TTYH3: variants seen among roughly 807,000 people sequenced by gnomAD.
TTYH3 encodes tweety family member 3.
A neutral mutation model predicts 68.2 loss-of-function variants in TTYH3; 23 were observed. The ratio of observed to expected loss-of-function variants is 0.34; its 90% CI spans 0.24 to 0.48. TTYH3 has a LOEUF of 0.48. Ranked by LOEUF, TTYH3 falls within the 20% of genes least tolerant of loss-of-function variation. The pLI is 0.99. For synonymous variants in TTYH3, 360 were observed against 332.8 expected (o/e 1.08, Z -0.89); for missense variants, 768 against 727.7 (o/e 1.06, Z -0.64).
At chr7:2,632,398 C>A in intron 1 of TTYH3, 120 bp downstream of exon 1, 1 of 1,048,866 alleles carries the variant, frequency 9.5e-7, no homozygotes, top group Non-Finnish European at 1.3e-6. Flanking sequence ...CCTCCAGGGT[C>A]ACGGCCACCT....
Position 2,661,648 on chromosome 7 carries a change from T to G in TTYH3, c.1501-20T>G. The G allele has an allele frequency of 6.2e-7, 1 of 1,609,554 alleles. No individual in the cohort carries two copies. Among genetic ancestry groups the G allele is most frequent in the Non-Finnish European group, 8.5e-7 (1 of 1,178,202 alleles). On this transcript the variant is annotated intron_variant, in intron 13 of 13. Transcript: ENST00000258796. ...GCCATGCAGGGGCCCTGCTGATGCC[T>G]CCCCCTTGTCTCCCTCCAGTACACC...
chr7:2,633,794 TGCTGCCCCTTGG>T (rs1785587670), intron 1 of TTYH3, among the ~76,000 whole-genome samples: 1 of 152,250 alleles, frequency 6.6e-6, no homozygotes, highest in Non-Finnish European at 1.5e-5. Flanking sequence ...GGCTGTTTCC[TGCTGCCCCTTGG>T]GCTGCCACCT....
Position 2,662,052 on chromosome 7 carries a change from C to T in TTYH3, c.*313C>T. 1 of 541,840 alleles carries T rather than the reference C, an allele frequency of 1.8e-6. No homozygotes were observed. The highest frequency in any genetic ancestry group is 2.1e-5 in the South Asian group (1 of 48,582). The allele number at this position is 541,840 out of a possible 1,614,324, so 33.6% of individuals were successfully genotyped here. ...GCCGCACCTACAAGCCCTGGCCGCA[C>T]CCAACCTGTGTTGTTGCCGCCCGGC... is the stretch of plus-strand genomic sequence containing the variant. On this transcript the variant is annotated 3_prime_UTR_variant, in exon 14 of 14. Coordinates refer to ENST00000258796, the MANE Select transcript of TTYH3 (RefSeq NM_025250.3).
intron 1 of TTYH3, among the ~76,000 whole-genome samples, chr7:2,641,726 C>T (rs1785851810): frequency 6.6e-6 from 1 of 152,250 alleles, no homozygotes; most frequent in Non-Finnish European, 1.5e-5. Context: ...TGCCGCTGGC[C>T]CGGTGCCCCG....
intron 5 of TTYH3, 74 bp downstream of exon 5, chr7:2,648,128 C>T (rs1786053117): frequency 1.4e-6 from 2 of 1,391,678 alleles, no homozygotes; most frequent in Non-Finnish European, 2.0e-6. Flanking sequence ...TACCCCTTCC[C>T]CCACCTCATC....
At chr7:2,639,577 C>A (rs1454631335) in intron 1 of TTYH3, among the ~76,000 whole-genome samples, 1 of 152,220 alleles carries the variant, frequency 6.6e-6, no homozygotes, top group Non-Finnish European at 1.5e-5. Flanking sequence ...GCTAAGATGC[C>A]CTGGAAGCTG....
intron 5 of TTYH3, among the ~76,000 whole-genome samples, chr7:2,648,776 C>A (rs1015770418): frequency 6.6e-6 from 1 of 151,744 alleles, no homozygotes; most frequent in African/African-American, 2.4e-5. Context: ...TGCAGCTTCA[C>A]GCTGTGCCCA....
intron 13 of TTYH3, 91 bp downstream of exon 13, chr7:2,659,106 A>T: frequency 7.8e-7 from 1 of 1,278,764 alleles, no homozygotes; most frequent in East Asian, 2.4e-5. Flanking sequence ...TGGCATGTGC[A>T]GCCAGTGTGA....
chr7:2,646,941 G>A lies in TTYH3; in HGVS notation c.212G>A (p.Arg71Gln), dbSNP rs370463433. Residue 71 changes from arginine (R) to glutamine (Q), a missense_variant, in exon 2 of 14, where the codon CGG (arginine) becomes CAG (glutamine). By Grantham distance (43) the Arg-to-Gln change is conservative. Transcript: ENST00000258796. ...LLFYSFWLCC[R>Q]RRKSEEHLDA... The stretch of plus-strand genomic sequence containing the variant: ...TTCTACTCCTTCTGGCTGTGCTGCC[G>A]GCGGCGCAAGAGCGAGGAGCACCTG... 2.5e-6 allele frequency: 4 copies of A among 1,600,746 alleles called. No individual in the cohort carries two copies. Among genetic ancestry groups the A allele is most frequent in the Admixed American group, 3.4e-5 (2 of 59,680 alleles).
intron 9 of TTYH3, 71 bp downstream of exon 9, chr7:2,653,081 T>G (rs757178626): frequency 2.7e-5 from 39 of 1,430,630 alleles, no homozygotes; most frequent in Non-Finnish European, 3.5e-5. Flanking sequence ...GAATTTGTGG[T>G]GCAAACACAG....
At chr7:2,658,003 C>T (rs553071896) in intron 11 of TTYH3, among the ~76,000 whole-genome samples, 10 of 152,358 alleles carry the variant, frequency 6.6e-5, no homozygotes, top group African/African-American at 2.4e-4. Flanking sequence ...AGGGGCCCTG[C>T]ACTCTTCTTT....
At chr7:2,652,825 G>A (rs765418263) in intron 8 of TTYH3, 93 bp from the exon 9 acceptor site, 70 of 1,003,920 alleles carry the variant, frequency 7.0e-5, no homozygotes, top group South Asian at 1.0e-4. Context: ...CAGGCTGGAC[G>A]TCTTGCTGGT....
At chr7:2,660,243 T>C (rs2115000307) in intron 13 of TTYH3, 2 of 985,406 alleles carry the variant, frequency 2.0e-6, no homozygotes. Context: ...ACAGTGGGGT[T>C]GGCAAGTCCC....
chr7:2,633,890 C>A (rs1244002740), intron 1 of TTYH3, among the ~76,000 whole-genome samples: 1 of 152,190 alleles, frequency 6.6e-6, no homozygotes. Flanking sequence ...TCGAGACAGG[C>A]AGTGAGAGGG....
At chr7:2,640,223 A>G (rs6461497) in intron 1 of TTYH3, among the ~76,000 whole-genome samples, 10,859 of 152,082 alleles carry the variant, frequency 0.071, 1,245 homozygotes, top group African/African-American at 0.25. Context: ...ATCGGGCCAA[A>G]CTTCTCATCA....
chr7:2,649,704 A>G, intron 6 of TTYH3, 65 bp downstream of exon 6: 1 of 1,541,408 alleles, frequency 6.5e-7, no homozygotes, highest in Non-Finnish European at 8.8e-7. Context: ...GGACGAGGGG[A>G]AGCCACACTC....
chr7:2,657,310 GATGGTGATGGTGATGGTGGTA>G (rs1583575975), intron 11 of TTYH3, among the ~76,000 whole-genome samples: 2 of 152,100 alleles, frequency 1.3e-5, no homozygotes, highest in African/African-American at 2.4e-5. Flanking sequence ...TGCCAACGAT[GATGGTGATGGTGATGGTGGTA>G]ATGATGGTGA....
In TTYH3 at chr7:2,659,238, C is replaced by T. The variant is rs879376310; in HGVS notation, c.1500+223C>T. 3.0e-4 allele frequency among the ~76,000 whole-genome samples: 45 copies of T among 152,282 alleles called. 1 individual carries two copies. The highest frequency in any genetic ancestry group is 2.7e-3 in the Admixed American group (42 of 15,304). On this transcript the variant is annotated intron_variant, in intron 13 of 13. Transcript: ENST00000258796. ...CTGGGTGGGACTGCCAGCTCCTCCC[C>T]GCTGGCCTTGGAGTGTCCTGGGGCC...
intron 5 of TTYH3, 46 bp downstream of exon 5, chr7:2,648,100 C>G (rs1169746764): frequency 6.5e-7 from 1 of 1,550,182 alleles, no homozygotes; most frequent in Admixed American, 1.7e-5. Flanking sequence ...AGCGGAGGGG[C>G]AGGGCAAGGC....
Sources: allele counts gnomAD v4.1 joint callset (sites outside exome capture counted in the v4.1 genomes callset), GRCh38; gene constraint gnomAD v4.1.1; transcripts MANE v1.5; gene names NCBI Gene and HGNC (gene_info 2026-07-23, HGNC 2026-07-21).